The following LIMS1 variants were observed in gnomAD, a reference collection of about 807,000 sequenced individuals.
The protein encoded by LIMS1 is LIM zinc finger domain containing 1.
Under a neutral mutation model 44.1 loss-of-function variants are expected in LIMS1, and 18 were observed. That is an observed-to-expected ratio of 0.41 (90% CI 0.28 to 0.61). The LOEUF is 0.61. Ranked by LOEUF, LIMS1 falls within the 20% of genes least tolerant of loss-of-function variation. The probability of loss-of-function intolerance (pLI) is 0.32; values close to 1 mark genes in which losing one functional copy is unlikely to be tolerated. For synonymous variants in LIMS1, 93 were observed against 149.1 expected (o/e 0.62, Z 2.74); for missense variants, 201 against 422.0 (o/e 0.48, Z 4.59).
chr2:108,650,965 TAA>T (rs1205517833), intron 1 of LIMS1, among the ~76,000 whole-genome samples: 1 of 152,072 alleles, frequency 6.6e-6, no homozygotes, highest in Non-Finnish European at 1.5e-5. Flanking sequence ...GGGCTCATAG[TAA>T]AAGTTCCATA....
intron 1 of LIMS1, among the ~76,000 whole-genome samples, chr2:108,550,728 A>G (rs1653875627): frequency 6.6e-6 from 1 of 151,514 alleles, no homozygotes; most frequent in Admixed American, 6.6e-5. Context: ...AGGCAGGGGA[A>G]TGGCGTGAAC....
intron 1 of LIMS1, among the ~76,000 whole-genome samples, chr2:108,633,957 T>C: frequency 6.6e-6 from 1 of 152,234 alleles, no homozygotes; most frequent in East Asian, 1.9e-4. Flanking sequence ...AAGCTTTTCT[T>C]GTGATTCTGT....
At chr2:108,575,669 C>T (rs553855033) in intron 1 of LIMS1, among the ~76,000 whole-genome samples, 34 of 152,294 alleles carry the variant, frequency 2.2e-4, no homozygotes, top group African/African-American at 7.9e-4. Flanking sequence ...CTGCAGCCCA[C>T]CTCTTGTTCT....
At chr2:108,611,862 T>A (rs905254593) in intron 1 of LIMS1, among the ~76,000 whole-genome samples, 1 of 133,258 alleles carries the variant, frequency 7.5e-6, no homozygotes. Context: ...TATACACACA[T>A]ATATATACAC....
chr2:108,542,622 T>A (rs568111815), intron 1 of LIMS1, among the ~76,000 whole-genome samples: 1 of 152,294 alleles, frequency 6.6e-6, no homozygotes, highest in East Asian at 1.9e-4. Flanking sequence ...CCTATCCAGT[T>A]TTACTCCCTC....
At chr2:108,601,559 G>A (rs1034559928) in intron 1 of LIMS1, among the ~76,000 whole-genome samples, 9 of 152,196 alleles carry the variant, frequency 5.9e-5, no homozygotes, top group African/African-American at 1.2e-4. Flanking sequence ...CTGAAACAGC[G>A]ATGGATGAAT....
At position 108,635,064 on chromosome 2, in the gene LIMS1, G is replaced by T. The variant is rs557391093; in HGVS notation, c.33-24541G>T. 2.6e-5 allele frequency among the ~76,000 whole-genome samples: 4 copies of T among 152,284 alleles called. No individual in the cohort carries two copies. The South Asian group carries it at 8.3e-4, about 32-fold the overall frequency. On this transcript the variant is annotated intron_variant, in intron 1 of 9. Transcript: ENST00000544547. ...CATGAGGATGGGGGTCTACACTGGG[G>T]TGTGGGGTGGCCATATCTTCTGGCC...
At chr2:108,662,165 C>T in intron 2 of LIMS1, 1 of 1,611,830 alleles carries the variant, frequency 6.2e-7, no homozygotes, top group South Asian at 1.1e-5. Flanking sequence ...GCTCTTTCCC[C>T]TGTGAGCACC....
intron 1 of LIMS1, among the ~76,000 whole-genome samples, chr2:108,600,746 C>T (rs1054946431): frequency 1.3e-5 from 2 of 152,108 alleles, no homozygotes; most frequent in African/African-American, 4.8e-5. Flanking sequence ...GTTTTTATGC[C>T]AATACCATGC....
chr2:108,680,041 A>G (rs557107385), intron 8 of LIMS1, among the ~76,000 whole-genome samples: 2 of 152,108 alleles, frequency 1.3e-5, no homozygotes, highest in South Asian at 2.1e-4. Flanking sequence ...CCTGGGAAAC[A>G]TGGCAAGACC....
At chr2:108,594,660 C>T (rs1410863212) in intron 1 of LIMS1, among the ~76,000 whole-genome samples, 1 of 151,880 alleles carries the variant, frequency 6.6e-6, no homozygotes, top group Non-Finnish European at 1.5e-5. Flanking sequence ...TTCTAGTAGC[C>T]ATTTAAAACA....
At chr2:108,656,393 C>G (rs78722464) in intron 1 of LIMS1, among the ~76,000 whole-genome samples, 3,793 of 142,092 alleles carry the variant, frequency 0.027, no homozygotes, top group African/African-American at 0.1. Context: ...ACACTTTTTA[C>G]TGAAAATCTT....
chr2:108,622,472 T>C (rs1035807890), intron 1 of LIMS1, among the ~76,000 whole-genome samples: 1 of 152,206 alleles, frequency 6.6e-6, no homozygotes, highest in Non-Finnish European at 1.5e-5. Context: ...AACATTTATT[T>C]TAAAATTGTT....
rs1156592649 is a variant in LIMS1 at position 108,676,128 on chromosome 2, A to C, written c.681+100A>C. The stretch of plus-strand genomic sequence containing the variant: ...CTCCCATGATTCAGGGGTAACCAGT[A>C]CTTTCAAATCTTCATGATTCAGGTG... On this transcript the variant is annotated intron_variant, in intron 6 of 9. Transcript: ENST00000544547. 4.3e-6 allele frequency: 6 copies of C among 1,392,030 alleles called. 1 individual carries two copies. In the Admixed American group the frequency reaches 1.1e-4, roughly 26 times the overall value. 86.2% of individuals were successfully genotyped at this position (1,392,030 alleles called of 1,614,324 possible). A position where few individuals can be genotyped will look rare whatever the true frequency, so the allele number is the denominator to read the frequency against.
At chr2:108,671,227 G>A (rs1396544373) in intron 3 of LIMS1, among the ~76,000 whole-genome samples, 3 of 152,022 alleles carry the variant, frequency 2.0e-5, no homozygotes, top group South Asian at 4.2e-4. Flanking sequence ...GTGAAGTATC[G>A]ATGGTAAAAA....
chr2:108,560,508 T>C (rs1685075506), intron 1 of LIMS1, among the ~76,000 whole-genome samples: 1 of 152,164 alleles, frequency 6.6e-6, no homozygotes, highest in South Asian at 2.1e-4. Context: ...TTTCACCAGC[T>C]GTTCCTACCC....
exon 10 of LIMS1, chr2:108,685,404 AAG>A (rs1265162728): frequency 6.6e-6 from 1 of 151,996 alleles, no homozygotes; most frequent in Non-Finnish European, 1.5e-5. Context: ...GAAAGTTGCC[AAG>A]AGAGACTTCT....
Position 108,572,652 on chromosome 2 carries a change from G to T in LIMS1, c.32+38058G>T, listed in dbSNP as rs368327616. Reference sequence around the variant, plus strand: ...ACCCGCCTCGGCCTCCCAAAGTGCTGGGATTACATGCATGAGCCACTACGC... The same window carrying T: ...ACCCGCCTCGGCCTCCCAAAGTGCTTGGATTACATGCATGAGCCACTACGC... On this transcript the variant is annotated intron_variant, in intron 1 of 9. Coordinates refer to ENST00000544547, the Ensembl canonical transcript of LIMS1. Among the ~76,000 whole-genome samples the T allele has an allele frequency of 3.3e-5, 5 of 152,180 alleles. No individual in the cohort carries two copies. In the East Asian group the frequency reaches 9.7e-4, roughly 29 times the overall value.
At chr2:108,594,331 C>A (rs1343450785) in intron 1 of LIMS1, among the ~76,000 whole-genome samples, 6 of 152,128 alleles carry the variant, frequency 3.9e-5, no homozygotes, top group Non-Finnish European at 5.9e-5. Context: ...GATGACTAAA[C>A]CAGCTACTGA....
Sources: gnomAD v4.1 joint callset for allele counts (sites outside exome capture counted in the v4.1 genomes callset) on GRCh38, gnomAD v4.1.1 for gene constraint, MANE v1.5 for transcripts, NCBI Gene and HGNC (gene_info 2026-07-23, HGNC 2026-07-21) for gene names.